Variants in MAP2 observed in about 807,000 individuals in gnomAD.
MAP2 encodes microtubule-associated protein 2.
In MAP2, 14 loss-of-function variants were observed where a neutral mutation model predicts 137.6. The observed-to-expected ratio is 0.10, with a 90% CI of 0.07 to 0.16. The LOEUF (loss-of-function observed/expected upper bound fraction) is 0.16. Ranked by LOEUF, MAP2 falls within the 10% of genes least tolerant of loss-of-function variation. The pLI is 1.00. For synonymous variants in MAP2, 786 were observed against 782.3 expected, an observed-to-expected ratio of 1.00 and a Z score of -0.08; for missense variants, 2,088 against 2,191.5, an observed-to-expected ratio of 0.95 and a Z score of 0.94.
At chr2:209,541,315 C>T (rs1290022657) in intron 2 of MAP2, among the ~76,000 whole-genome samples, 1 of 151,270 alleles carries the variant, frequency 6.6e-6, no homozygotes, top group Admixed American at 6.6e-5. Context: ...CAGTCATGAG[C>T]CACCCGCGCC....
chr2:209,478,974 G>A (rs890517018), intron 1 of MAP2, among the ~76,000 whole-genome samples: 2 of 152,080 alleles, frequency 1.3e-5, no homozygotes, highest in Admixed American at 6.5e-5. Flanking sequence ...CAGTTTTATT[G>A]GCCTGCCTTC....
chr2:209,505,936 C>A (rs2060993594), intron 1 of MAP2, among the ~76,000 whole-genome samples: 2 of 151,978 alleles, frequency 1.3e-5, no homozygotes. Flanking sequence ...CACACCCCTG[C>A]ACTCCCGACT....
chr2:209,559,574 G>A (rs138571059), intron 2 of MAP2, among the ~76,000 whole-genome samples: 1 of 150,044 alleles, frequency 6.7e-6, no homozygotes, highest in Admixed American at 6.7e-5. Context: ...TCGCTTAAAC[G>A]CGGGAGGCAG....
chr2:209,514,948 C>G (rs11884711), intron 2 of MAP2, among the ~76,000 whole-genome samples: 33,854 of 151,816 alleles, frequency 0.22, 5,011 homozygotes, highest in African/African-American at 0.42. Context: ...GGAATGCCTT[C>G]TGAGTCATTC....
At position 209,694,618 on chromosome 2, in the gene MAP2, G is replaced by C. The variant is rs1293347740; in HGVS notation, c.2448G>C (p.Arg816Ser). Residue 816 changes from arginine (R) to serine (S), a missense_variant, in exon 8 of 16, where the codon AGG (arginine) becomes AGC (serine). By Grantham distance (110) the Arg-to-Ser change is moderately radical. This residue lies in a region of MAP2 where 500 missense variants were observed against 482.9 expected (regional missense o/e 1.04). Coordinates refer to ENST00000682079, the MANE Select transcript of MAP2 (RefSeq NM_001375505.1). ...LPEMLDLAGT[R>S]SRLASVSADA... ...AAATGCTAGATCTGGCAGGCACAAGGTCAAGATTGGCTTCTGTGAGTGCAG... is the reference window on the plus strand; with the variant it reads ...AAATGCTAGATCTGGCAGGCACAAGCTCAAGATTGGCTTCTGTGAGTGCAG... 1 of 1,614,022 alleles carries C rather than the reference G, an allele frequency of 6.2e-7. No individual in the cohort carries two copies.
chr2:209,649,755 G>T (rs2094653930), intron 4 of MAP2, among the ~76,000 whole-genome samples: 1 of 152,086 alleles, frequency 6.6e-6, no homozygotes, highest in South Asian at 2.1e-4. Context: ...TGAGTAATCT[G>T]CATACATTTT....
chr2:209,510,991 G>A (rs17316974), intron 2 of MAP2, among the ~76,000 whole-genome samples: 8,804 of 152,118 alleles, frequency 0.058, 292 homozygotes, highest in South Asian at 0.092. Context: ...TACAGTGGAG[G>A]TACTGCTCAA....
At position 209,575,286 on chromosome 2, in the gene MAP2, C is replaced by T. The variant is rs76501815; in HGVS notation, c.-171-4750C>T. 5.9e-5 allele frequency among the ~76,000 whole-genome samples: 9 copies of T among 152,002 alleles called. No homozygotes were observed. In the East Asian group the frequency reaches 1.7e-3, roughly 29 times the overall value. ...CATGTAATCCCAGCACTTTGGGAGG[C>T]CAAGGCGGGCGGATCACGAGGTCAG... On this transcript the variant is annotated intron_variant, in intron 2 of 15. Transcript: ENST00000682079.
At chr2:209,650,444 A>C (rs2094710030) in intron 4 of MAP2, among the ~76,000 whole-genome samples, 1 of 152,148 alleles carries the variant, frequency 6.6e-6, no homozygotes, top group Non-Finnish European at 1.5e-5. Context: ...TCCTCCCCAA[A>C]ACACATAACT....
At chr2:209,707,281 G>C (rs1203158786) in intron 12 of MAP2, among the ~76,000 whole-genome samples, 1 of 152,080 alleles carries the variant, frequency 6.6e-6, no homozygotes, top group Non-Finnish European at 1.5e-5. Flanking sequence ...TAAATTTACT[G>C]ATGTTTACAG....
intron 4 of MAP2, among the ~76,000 whole-genome samples, chr2:209,630,497 G>A (rs995096246): frequency 6.6e-6 from 1 of 152,120 alleles, no homozygotes; most frequent in African/African-American, 2.4e-5. Flanking sequence ...GAATAGACCA[G>A]GTGGTGCATA....
At chr2:209,699,502 T>TA (rs1386210110) in intron 10 of MAP2, among the ~76,000 whole-genome samples, 22 of 152,152 alleles carry the variant, frequency 1.4e-4, no homozygotes, top group Non-Finnish European at 2.9e-4. Flanking sequence ...CTACCTCAGG[T>TA]AAGTCATCAA....
rs549327916 is a variant in MAP2 at position 209,732,738 on chromosome 2, G to A, written c.*2341G>A. ...TAGGTAAACATTCTGCATACTAGAA[G>A]TCAGTTTATTACAAATACATGTCAA... On this transcript the variant is annotated 3_prime_UTR_variant, in exon 16 of 16. Transcript: ENST00000682079. 1.3e-5 allele frequency: 2 copies of A among 152,630 alleles called. No homozygotes were observed. The highest frequency in any genetic ancestry group is 2.4e-5 in the African/African-American group (1 of 41,532). The allele number at this position is 152,630 out of a possible 1,614,324, so 9.5% of individuals were successfully genotyped here.
At chr2:209,525,756 C>A (rs968669448) in intron 2 of MAP2, among the ~76,000 whole-genome samples, 13 of 152,114 alleles carry the variant, frequency 8.5e-5, no homozygotes, top group Non-Finnish European at 1.9e-4. Flanking sequence ...CATATACATT[C>A]TCAGGGAATT....
chr2:209,599,385 A>T (rs1215360826), intron 3 of MAP2, among the ~76,000 whole-genome samples: 2 of 152,058 alleles, frequency 1.3e-5, no homozygotes, highest in Non-Finnish European at 2.9e-5. Flanking sequence ...TTCACCCAAA[A>T]AGCATACCTA....
chr2:209,517,839 T>C (rs1166731750), intron 2 of MAP2, among the ~76,000 whole-genome samples: 1 of 150,314 alleles, frequency 6.7e-6, no homozygotes, highest in East Asian at 1.9e-4. Context: ...ATACAAGCCA[T>C]GAGGTGAATG....
At chr2:209,697,309 G>T (rs572832848) in intron 10 of MAP2, among the ~76,000 whole-genome samples, 2 of 152,030 alleles carry the variant, frequency 1.3e-5, no homozygotes, top group East Asian at 1.9e-4. Flanking sequence ...CTAGTGTCAC[G>T]TTCTGGGGAT....
At position 209,704,795 on chromosome 2, in the gene MAP2, A is replaced by T. The variant is rs538546835; in HGVS notation, c.4585-785A>T. Among the ~76,000 whole-genome samples the T allele has an allele frequency of 2.0e-5, 3 of 152,182 alleles. No individual in the cohort carries two copies. In the South Asian group the frequency reaches 6.2e-4, roughly 32 times the overall value. On this transcript the variant is annotated intron_variant, in intron 11 of 15. Transcript: ENST00000682079. ...CAAATTTAAAATTTTGATAAACAGT[A>T]TACCTATTTTTTAAATGTAGAAAAT...
At chr2:209,427,856 G>A (rs566066884) in intron 1 of MAP2, among the ~76,000 whole-genome samples, 4 of 152,270 alleles carry the variant, frequency 2.6e-5, no homozygotes, top group Non-Finnish European at 4.4e-5. Context: ...GTGGGTGGGC[G>A]TAGAGGAAGA....
Sources: allele counts gnomAD v4.1 joint callset (sites outside exome capture counted in the v4.1 genomes callset), GRCh38; gene constraint gnomAD v4.1.1; regional missense constraint gnomAD v4.1.1; transcripts MANE v1.5; gene names NCBI Gene and HGNC (gene_info 2026-07-23, HGNC 2026-07-21).